Variants in TANC1 observed in about 807,000 individuals in gnomAD.
The protein encoded by TANC1 is tetratricopeptide repeat, ankyrin repeat and coiled-coil containing 1, also known as protein TANC1.
TANC1 carries 77 observed loss-of-function variants against 149.7 expected under a neutral mutation model. The ratio of observed to expected loss-of-function variants is 0.51; its 90% CI spans 0.43 to 0.62. The LOEUF (loss-of-function observed/expected upper bound fraction) is 0.62, where lower values mean the gene tolerates loss of function less well. TANC1 is among the 20% of genes least tolerant of loss of function. TANC1 has a pLI of 0.00. For missense variants in TANC1, 1,985 were observed against 2,321.8 expected (o/e 0.85, Z 2.98); for synonymous variants, 854 against 925.0 (o/e 0.92, Z 1.39).
intron 2 of TANC1, among the ~76,000 whole-genome samples, chr2:159,051,440 G>A (rs747225485): frequency 2.0e-5 from 3 of 152,196 alleles, no homozygotes; most frequent in Non-Finnish European, 2.9e-5. Context: ...GTGATCAAAG[G>A]TTTCACTGCA....
intron 2 of TANC1, among the ~76,000 whole-genome samples, chr2:159,055,642 T>G (rs2041795021): frequency 6.6e-6 from 1 of 152,234 alleles, no homozygotes; most frequent in Non-Finnish European, 1.5e-5. Flanking sequence ...CGACTGTGTT[T>G]GTTCTTTGAT....
chr2:159,062,019 C>T (rs1003389797), intron 2 of TANC1, among the ~76,000 whole-genome samples: 6 of 152,060 alleles, frequency 3.9e-5, no homozygotes, highest in Non-Finnish European at 7.4e-5. Flanking sequence ...AGGCAGATCA[C>T]CTGAGGTCAG....
rs967943138 is a variant in TANC1, at chr2:159,086,600, G to T, written c.62-11037G>T. Among the ~76,000 whole-genome samples the T allele has an allele frequency of 7.2e-5, 11 of 152,194 alleles. 1 individual carries two copies. The East Asian group carries it at 2.1e-3, about 29-fold the overall frequency. ...TGGCAGGTGTCCAATGTGGCAGCTT[G>T]CAGGGGAACCTCTGGAAATAAAGGG... On this transcript the variant is annotated intron_variant, in intron 3 of 26. Transcript: ENST00000263635.
intron 1 of TANC1, among the ~76,000 whole-genome samples, chr2:158,992,258 G>A (rs568811928): frequency 3.3e-5 from 5 of 151,968 alleles, no homozygotes; most frequent in African/African-American, 9.7e-5. Context: ...CATCTACTCC[G>A]GAGGCTGAGG....
At chr2:159,127,579 A>C (rs1024229580) in intron 4 of TANC1, among the ~76,000 whole-genome samples, 4 of 152,262 alleles carry the variant, frequency 2.6e-5, no homozygotes, top group African/African-American at 9.6e-5. Context: ...TGATAAACTA[A>C]AGGAAGTGTA....
chr2:159,081,521 C>T (rs1004997930), intron 3 of TANC1, among the ~76,000 whole-genome samples: 72 of 152,004 alleles, frequency 4.7e-4, no homozygotes, highest in African/African-American at 1.7e-3. Context: ...GTGCATGTCA[C>T]CACCAGCAGT....
chr2:159,092,783 T>C (rs2045681479), intron 3 of TANC1, among the ~76,000 whole-genome samples: 1 of 152,232 alleles, frequency 6.6e-6, no homozygotes, highest in South Asian at 2.1e-4. Flanking sequence ...CTGAAATATT[T>C]ACTGTCATAC....
chr2:159,008,393 G>A (rs1041918100), intron 2 of TANC1, among the ~76,000 whole-genome samples: 3 of 152,200 alleles, frequency 2.0e-5, no homozygotes, highest in African/African-American at 7.2e-5. Flanking sequence ...GTTGGTGACA[G>A]TTCTGCCCAA....
intron 14 of TANC1, among the ~76,000 whole-genome samples, chr2:159,184,452 G>A (rs975663826): frequency 2.0e-5 from 3 of 152,098 alleles, no homozygotes; most frequent in African/African-American, 4.8e-5. Flanking sequence ...CGGCCACCAA[G>A]GGGTGTGTGG....
intron 3 of TANC1, among the ~76,000 whole-genome samples, chr2:159,074,776 C>T (rs915564385): frequency 3.9e-5 from 6 of 152,050 alleles, no homozygotes; most frequent in Non-Finnish European, 7.4e-5. Context: ...ACAATAGAAA[C>T]TTATTTCCCC....
At chr2:159,083,499 A>G (rs561056682) in intron 3 of TANC1, among the ~76,000 whole-genome samples, 1 of 150,822 alleles carries the variant, frequency 6.6e-6, no homozygotes, top group African/African-American at 2.5e-5. Context: ...AGAAATAACA[A>G]AGGAAGAGTA....
At chr2:158,995,037 G>A (rs16843534) in intron 1 of TANC1, among the ~76,000 whole-genome samples, 9,864 of 152,218 alleles carry the variant, frequency 0.065, 480 homozygotes, top group East Asian at 0.16. Flanking sequence ...GCCATTTATG[G>A]GGCTGATCTT....
intron 20 of TANC1, 42 bp downstream of exon 20, chr2:159,217,672 G>A: frequency 6.2e-7 from 1 of 1,607,746 alleles, no homozygotes; most frequent in Non-Finnish European, 8.5e-7. Context: ...CAATGAGTGG[G>A]GATGGAGTTC....
intron 19 of TANC1, among the ~76,000 whole-genome samples, chr2:159,212,828 G>A (rs1270549119): frequency 6.6e-6 from 1 of 150,678 alleles, no homozygotes; most frequent in Non-Finnish European, 1.5e-5. Context: ...GCTGAGGCAG[G>A]AAAATGGCGT....
intron 19 of TANC1, among the ~76,000 whole-genome samples, chr2:159,203,138 C>A (rs2058355805): frequency 6.6e-6 from 1 of 152,142 alleles, no homozygotes; most frequent in African/African-American, 2.4e-5. Context: ...CTCTCCACTC[C>A]CTTGGCTCAC....
chr2:159,043,244 G>A (rs1008521217), intron 2 of TANC1, among the ~76,000 whole-genome samples: 1 of 152,100 alleles, frequency 6.6e-6, no homozygotes, highest in Non-Finnish European at 1.5e-5. Context: ...CGTCTCATAG[G>A]GAAGAGTGCT....
At chr2:159,114,845 C>T (rs1326760327) in intron 4 of TANC1, among the ~76,000 whole-genome samples, 1 of 152,112 alleles carries the variant, frequency 6.6e-6, no homozygotes, top group Non-Finnish European at 1.5e-5. Context: ...TGTAAGAGGA[C>T]ATTGTATGGG....
chr2:159,203,963 T>C (rs2058432724), intron 19 of TANC1, among the ~76,000 whole-genome samples: 1 of 152,322 alleles, frequency 6.6e-6, no homozygotes, highest in African/African-American at 2.4e-5. Flanking sequence ...TGCTGCCCAA[T>C]AGAACTTTCC....
intron 7 of TANC1, among the ~76,000 whole-genome samples, chr2:159,162,636 C>T (rs1575037913): frequency 6.6e-6 from 1 of 152,186 alleles, no homozygotes; most frequent in East Asian, 1.9e-4. Flanking sequence ...AATGTGAATT[C>T]TGCAGTCATA....
Sources: gnomAD v4.1 joint callset for allele counts (sites outside exome capture counted in the v4.1 genomes callset) on GRCh38, gnomAD v4.1.1 for gene constraint, MANE v1.5 for transcripts, NCBI Gene and HGNC (gene_info 2026-07-23, HGNC 2026-07-21) for gene names.